Variants in PHKB observed in about 807,000 individuals in gnomAD.
The protein encoded by PHKB is phosphorylase b kinase regulatory subunit beta.
In PHKB, 122 loss-of-function variants were observed where a neutral mutation model predicts 152.1. That is an observed-to-expected ratio of 0.80 (90% CI 0.69 to 0.93). The LOEUF is 0.93. Ranked by LOEUF, PHKB falls within the 40% of genes least tolerant of loss-of-function variation. The pLI is 0.00. For missense variants in PHKB, 1,304 were observed against 1,328.4 expected (o/e 0.98, Z 0.29); for synonymous variants, 436 against 464.9 (o/e 0.94, Z 0.80).
intron 1 of PHKB, among the ~76,000 whole-genome samples, chr16:47,483,641 C>G (rs1477522549): frequency 6.6e-6 from 1 of 151,998 alleles, no homozygotes; most frequent in Non-Finnish European, 1.5e-5. Flanking sequence ...TATATCATTC[C>G]CATCTCCGTT....
intron 28 of PHKB, among the ~76,000 whole-genome samples, chr16:47,695,977 C>T (rs1433583737): frequency 6.6e-6 from 1 of 152,184 alleles, no homozygotes; most frequent in East Asian, 1.9e-4. Flanking sequence ...AAAGGAGCTG[C>T]CACAGAAATG....
intron 28 of PHKB, among the ~76,000 whole-genome samples, chr16:47,694,609 GTATT>G (rs1168779376): frequency 6.6e-6 from 1 of 152,174 alleles, no homozygotes; most frequent in East Asian, 1.9e-4. Flanking sequence ...CTTTTAAAAA[GTATT>G]TATACTGTTC....
intron 23 of PHKB, among the ~76,000 whole-genome samples, chr16:47,662,895 A>G (rs1478016461): frequency 6.6e-6 from 1 of 152,140 alleles, no homozygotes; most frequent in African/African-American, 2.4e-5. Flanking sequence ...GTGCTTTTAA[A>G]TAAAAGAAAA....
chr16:47,655,826 T>C (rs1461218927), intron 20 of PHKB, among the ~76,000 whole-genome samples: 1 of 152,204 alleles, frequency 6.6e-6, no homozygotes, highest in Non-Finnish European at 1.5e-5. Context: ...CAGAAGGGAA[T>C]AGAATTCATG....
At chr16:47,501,370 A>G (rs1970322060) in intron 3 of PHKB, among the ~76,000 whole-genome samples, 1 of 152,234 alleles carries the variant, frequency 6.6e-6, no homozygotes. Context: ...TACAACAGCC[A>G]AATGCAATAC....
At chr16:47,467,271 T>G (rs1969685382) in intron 1 of PHKB, among the ~76,000 whole-genome samples, 1 of 152,248 alleles carries the variant, frequency 6.6e-6, no homozygotes, top group African/African-American at 2.4e-5. Flanking sequence ...CTGTCATGCT[T>G]AAATACAACT....
chr16:47,621,762 T>G (rs1186231170), intron 14 of PHKB, among the ~76,000 whole-genome samples: 1 of 152,186 alleles, frequency 6.6e-6, no homozygotes, highest in Non-Finnish European at 1.5e-5. Context: ...GAGCCTAGCC[T>G]GAATATGCCA....
intron 6 of PHKB, among the ~76,000 whole-genome samples, chr16:47,543,866 T>A (rs939254256): frequency 3.3e-5 from 5 of 152,196 alleles, no homozygotes; most frequent in African/African-American, 1.2e-4. Context: ...TCATTTTTAT[T>A]ACATCTATTC....
chr16:47,673,085 C>G (rs1159320242), intron 26 of PHKB, among the ~76,000 whole-genome samples: 3 of 151,744 alleles, frequency 2.0e-5, no homozygotes, highest in African/African-American at 4.8e-5. Flanking sequence ...CTCACGAGAT[C>G]AGTTCTAACC....
intron 26 of PHKB, among the ~76,000 whole-genome samples, chr16:47,682,018 T>A (rs1876896364): frequency 6.6e-6 from 1 of 152,200 alleles, no homozygotes; most frequent in African/African-American, 2.4e-5. Flanking sequence ...TCTCCTTCAC[T>A]TATGAAGCTT....
chr16:47,607,675 A>G (rs904522435), intron 13 of PHKB, among the ~76,000 whole-genome samples: 22 of 152,120 alleles, frequency 1.4e-4, no homozygotes, highest in Non-Finnish European at 2.1e-4. Flanking sequence ...CATATTTTTC[A>G]TTTCTCTTGG....
chr16:47,525,351 T>C (rs1970748951), intron 6 of PHKB, among the ~76,000 whole-genome samples: 1 of 152,138 alleles, frequency 6.6e-6, no homozygotes. Flanking sequence ...AGGCAGAGCA[T>C]TAAAAAGATA....
chr16:47,610,421 A>G (rs1972406228), intron 13 of PHKB, among the ~76,000 whole-genome samples: 1 of 152,046 alleles, frequency 6.6e-6, no homozygotes, highest in Non-Finnish European at 1.5e-5. Context: ...TTTTACCCAC[A>G]TCCCATTGAT....
intron 13 of PHKB, among the ~76,000 whole-genome samples, chr16:47,603,627 C>A (rs1972273453): frequency 6.6e-6 from 1 of 151,916 alleles, no homozygotes; most frequent in Admixed American, 6.6e-5. Context: ...CCTCAGCCTC[C>A]CAAGTAGCTG....
chr16:47,651,930 G>T (rs1381970961), intron 20 of PHKB, among the ~76,000 whole-genome samples: 6 of 152,042 alleles, frequency 3.9e-5, no homozygotes, highest in Non-Finnish European at 5.9e-5. Context: ...AGTTTTGCAT[G>T]TTGGCTATCA....
At chr16:47,528,836 A>G (rs1970811831) in intron 6 of PHKB, among the ~76,000 whole-genome samples, 1 of 151,662 alleles carries the variant, frequency 6.6e-6, no homozygotes, top group Non-Finnish European at 1.5e-5. Flanking sequence ...AACTGGGATT[A>G]CAGGCACCTG....
chr16:47,539,645 G>A (rs1971016553), intron 6 of PHKB, among the ~76,000 whole-genome samples: 1 of 152,062 alleles, frequency 6.6e-6, no homozygotes, highest in Non-Finnish European at 1.5e-5. Context: ...AGTATTCATA[G>A]CAATATAATA....
At chr16:47,628,230 C>T (rs775619952) in intron 14 of PHKB, among the ~76,000 whole-genome samples, 1 of 152,126 alleles carries the variant, frequency 6.6e-6, no homozygotes, top group Non-Finnish European at 1.5e-5. Flanking sequence ...CAATATAGGG[C>T]ATATTAAAAA....
intron 14 of PHKB, among the ~76,000 whole-genome samples, chr16:47,632,352 G>C (rs1972842919): frequency 6.6e-6 from 1 of 152,158 alleles, no homozygotes; most frequent in Non-Finnish European, 1.5e-5. Context: ...GATGACATTA[G>C]TACATATGGT....
Sources: allele counts gnomAD v4.1 joint callset (sites outside exome capture counted in the v4.1 genomes callset), GRCh38; gene constraint gnomAD v4.1.1; transcripts MANE v1.5; gene names NCBI Gene and HGNC (gene_info 2026-07-23, HGNC 2026-07-21).